DISC1: variants seen among roughly 807,000 people sequenced by gnomAD.
DISC1 encodes the protein disrupted in schizophrenia 1 protein.
Under a neutral mutation model 84.5 loss-of-function variants are expected in DISC1, and 57 were observed. That is an observed-to-expected ratio of 0.67 (90% CI 0.55 to 0.84). The LOEUF (loss-of-function observed/expected upper bound fraction) is 0.84, where lower values mean the gene tolerates loss of function less well. DISC1 is among the 40% of genes least tolerant of loss of function. DISC1 has a pLI of 0.00. For missense variants in DISC1, 1,000 were observed against 1,057.8 expected (o/e 0.95, Z 0.76); for synonymous variants, 411 against 415.2 (o/e 0.99, Z 0.12).
chr1:231,640,528 ATT>A (rs58820518), intron 1 of DISC1, among the ~76,000 whole-genome samples: 36 of 133,216 alleles, frequency 2.7e-4, no homozygotes, highest in Admixed American at 4.6e-4. Flanking sequence ...CCTCCTTGGT[ATT>A]TTTTTTTTTT....
At chr1:231,739,793 C>G (rs1197656409) in intron 3 of DISC1, among the ~76,000 whole-genome samples, 4 of 152,222 alleles carry the variant, frequency 2.6e-5, no homozygotes, top group African/African-American at 9.7e-5. Flanking sequence ...TTCAAACACT[C>G]TCCTCTCCCA....
chr1:231,759,538 A>C (rs1421455951), intron 4 of DISC1, among the ~76,000 whole-genome samples: 4 of 148,688 alleles, frequency 2.7e-5, no homozygotes, highest in African/African-American at 1.0e-4. Flanking sequence ...AAAAAAAAAA[A>C]AAAAAAAAAA....
At chr1:231,864,731 A>G (rs766652404) in intron 9 of DISC1, among the ~76,000 whole-genome samples, 19 of 152,130 alleles carry the variant, frequency 1.2e-4, no homozygotes, top group Non-Finnish European at 2.4e-4. Context: ...GTACTGAACG[A>G]CGTGATGACC....
intron 3 of DISC1, among the ~76,000 whole-genome samples, chr1:231,713,857 G>A (rs189709935): frequency 1.3e-3 from 158 of 124,726 alleles, no homozygotes; most frequent in African/African-American, 4.2e-3. Flanking sequence ...TATATATATA[G>A]GAGATATATA....
At chr1:232,024,293 C>T (rs1319138766) in intron 11 of DISC1, among the ~76,000 whole-genome samples, 6 of 152,150 alleles carry the variant, frequency 3.9e-5, no homozygotes, top group Admixed American at 3.9e-4. Context: ...CTTCAGTATA[C>T]TAGACTTCTC....
chr1:231,845,135 A>G (rs1168127620), intron 9 of DISC1, among the ~76,000 whole-genome samples: 1 of 152,132 alleles, frequency 6.6e-6, no homozygotes, highest in Admixed American at 6.5e-5. Flanking sequence ...ATATTGAGGC[A>G]TGTTCAACCC....
chr1:231,939,331 A>G (rs1374480984), intron 9 of DISC1, among the ~76,000 whole-genome samples: 1 of 152,216 alleles, frequency 6.6e-6, no homozygotes, highest in Non-Finnish European at 1.5e-5. Flanking sequence ...GTAGTTGTTG[A>G]GCGAATAAAT....
At chr1:231,762,581 G>A (rs2125407159) in intron 4 of DISC1, among the ~76,000 whole-genome samples, 1 of 149,826 alleles carries the variant, frequency 6.7e-6, no homozygotes, top group East Asian at 2.0e-4. Context: ...GAACTCCTGG[G>A]CTCAAGTGAT....
At chr1:231,665,833 A>G (rs1412727004) in intron 1 of DISC1, among the ~76,000 whole-genome samples, 1 of 152,108 alleles carries the variant, frequency 6.6e-6, no homozygotes, top group Non-Finnish European at 1.5e-5. Context: ...TACCCTCCTG[A>G]TGATTTCTGA....
chr1:232,019,736 A>G (rs886512416), intron 11 of DISC1, among the ~76,000 whole-genome samples: 4 of 152,124 alleles, frequency 2.6e-5, no homozygotes, highest in African/African-American at 9.7e-5. Context: ...CTTATTTGGA[A>G]AGGAGACATT....
chr1:231,742,897 A>G (rs569757153), intron 3 of DISC1, among the ~76,000 whole-genome samples: 17 of 152,290 alleles, frequency 1.1e-4, no homozygotes, highest in African/African-American at 4.1e-4. Context: ...GTCTTAAAAA[A>G]GAAAAAAAAA....
rs561176588 is a variant in DISC1 at position 231,630,212 on chromosome 1, A to C, written c.67+3278A>C. Reference sequence around the variant, plus strand: ...CCAAAGTGCTGGGATTACAGGCATGAGCCACTGCGCCGGGCCCTTTAAACA... The same window carrying C: ...CCAAAGTGCTGGGATTACAGGCATGCGCCACTGCGCCGGGCCCTTTAAACA... On this transcript the variant is annotated intron_variant, in intron 1 of 12. Transcript: ENST00000439617. This position sits in a 1 kb window ranked among gnomAD's most constrained non-coding sequence, Gnocchi z 4.4. 1.1e-4 allele frequency among the ~76,000 whole-genome samples: 16 copies of C among 152,314 alleles called. No homozygotes were observed. Among genetic ancestry groups the C allele is most frequent in the Admixed American group, 9.8e-4 (15 of 15,300 alleles).
chr1:231,683,556 T>C (rs972376040), intron 1 of DISC1, among the ~76,000 whole-genome samples: 2 of 149,972 alleles, frequency 1.3e-5, no homozygotes, highest in African/African-American at 4.9e-5. Flanking sequence ...CTAGGATGCA[T>C]GTAATTTGCC....
intron 9 of DISC1, among the ~76,000 whole-genome samples, chr1:231,829,674 A>G (rs568410417): frequency 6.6e-6 from 1 of 151,954 alleles, no homozygotes; most frequent in South Asian, 2.1e-4. Flanking sequence ...TGTGTGTTTC[A>G]CTCACGTCCG....
intron 3 of DISC1, among the ~76,000 whole-genome samples, chr1:231,743,121 A>G (rs16854878): frequency 0.014 from 2,062 of 152,264 alleles, 50 homozygotes; most frequent in African/African-American, 0.048. Flanking sequence ...GTGGATGGGT[A>G]TAGTTTAGAA....
At position 232,031,945 on chromosome 1, in the gene DISC1, G is replaced by C. The variant is rs1394431144; in HGVS notation, c.2426-4747G>C. Among the ~76,000 whole-genome samples the C allele has an allele frequency of 6.6e-6, 1 of 152,212 alleles. No individual in the cohort carries two copies. The highest frequency in any genetic ancestry group is 2.4e-5 in the African/African-American group (1 of 41,456). ...AATGGTGGTAAGAAGAAATAATGTA[G>C]CAAAAGAGTAGCACTTTCAAAGGAT... On this transcript the variant is annotated intron_variant, in intron 12 of 12. Coordinates refer to ENST00000439617, the MANE Select transcript of DISC1 (RefSeq NM_018662.3). The surrounding 1 kb of genome is among the most constrained non-coding windows in gnomAD (Gnocchi z 4.6).
At chr1:231,920,051 A>G (rs1246247294) in intron 9 of DISC1, among the ~76,000 whole-genome samples, 2 of 152,096 alleles carry the variant, frequency 1.3e-5, no homozygotes, top group Admixed American at 1.3e-4. Flanking sequence ...GAGGTTTAGC[A>G]GCACCCAGGG....
chr1:231,844,601 G>A (rs1376927693), intron 9 of DISC1, among the ~76,000 whole-genome samples: 1 of 152,142 alleles, frequency 6.6e-6, no homozygotes, highest in Non-Finnish European at 1.5e-5. Flanking sequence ...TGGGCGGGCA[G>A]GGAGGCTTCC....
chr1:231,633,944 C>G (rs551797790), intron 1 of DISC1, among the ~76,000 whole-genome samples: 1 of 143,342 alleles, frequency 7.0e-6, no homozygotes, highest in South Asian at 2.2e-4. Context: ...AGTGCAGTGG[C>G]GCAGTCTTGG....
Sources: gnomAD v4.1 joint callset for allele counts (sites outside exome capture counted in the v4.1 genomes callset) on GRCh38, gnomAD v4.1.1 for gene constraint, Gnocchi (gnomAD v3.1) non-coding constraint, MANE v1.5 for transcripts, NCBI Gene and HGNC (gene_info 2026-07-23, HGNC 2026-07-21) for gene names.